CPNE1: variants seen among roughly 807,000 people sequenced by gnomAD.
The protein encoded by CPNE1 is copine 1, also known as copine-1.
In CPNE1, 58 loss-of-function variants were observed where a neutral mutation model predicts 63.2. The ratio of observed to expected loss-of-function variants is 0.92; its 90% CI spans 0.74 to 1.14. The LOEUF is 1.14. CPNE1 is among the 50% of genes most tolerant of loss of function. The pLI is 0.00. For missense variants in CPNE1, 672 were observed against 661.7 expected (o/e 1.02, Z -0.17); for synonymous variants, 237 against 249.0 (o/e 0.95, Z 0.45).
chr20:35,662,384 G>A (rs1186427847), intron 1 of CPNE1, among the ~76,000 whole-genome samples: 1 of 152,062 alleles, frequency 6.6e-6, no homozygotes, highest in Non-Finnish European at 1.5e-5. Context: ...CAAACCAAAA[G>A]GTATATGGGT....
intron 1 of CPNE1, chr20:35,649,383 A>T (rs2033342853): frequency 6.6e-6 from 1 of 152,208 alleles, no homozygotes; most frequent in Admixed American, 6.5e-5. Context: ...ATTTCCACCT[A>T]AAAATGTAAT....
intron 1 of CPNE1, among the ~76,000 whole-genome samples, chr20:35,642,019 T>C (rs2032841122): frequency 6.6e-6 from 1 of 152,194 alleles, no homozygotes. Flanking sequence ...CATGGCTTCC[T>C]TCACCCTGCC....
chr20:35,652,236 C>G (rs548299945), intron 1 of CPNE1: 1 of 270,038 alleles, frequency 3.7e-6, no homozygotes, highest in African/African-American at 2.2e-5. Context: ...AATCTAGACT[C>G]CTTGATAAGC....
At chr20:35,652,714 T>C (rs2033605170) in intron 1 of CPNE1, 1 of 1,614,006 alleles carries the variant, frequency 6.2e-7, no homozygotes. Flanking sequence ...TAAAATCTCA[T>C]CAATAGACAC....
At chr20:35,661,111 A>ACCCAC (rs1321295485) in intron 1 of CPNE1, among the ~76,000 whole-genome samples, 1 of 152,240 alleles carries the variant, frequency 6.6e-6, no homozygotes, top group East Asian at 1.9e-4. Flanking sequence ...AAAGAGGAAT[A>ACCCAC]CCCACCCCAC....
chr20:35,645,533 C>G (rs951042407), intron 1 of CPNE1, among the ~76,000 whole-genome samples: 7 of 152,222 alleles, frequency 4.6e-5, no homozygotes, highest in African/African-American at 1.4e-4. Context: ...GCTTTTCCAC[C>G]AAAGTATAAG....
At position 35,654,701 on chromosome 20, in the gene CPNE1, T is replaced by G. The variant is rs141618982; in HGVS notation, c.-1+10059A>C. On this transcript the variant is annotated intron_variant, in intron 1 of 15. Coordinates refer to ENST00000397443, the MANE Select transcript of CPNE1 (RefSeq NM_152925.3). ...GTAGGTACTGGAGGAGGAACTGGAA[T>G]TGGGGGAATGGATGGCATTGGTGGC... 4.3e-6 allele frequency: 7 copies of G among 1,613,554 alleles called. No individual in the cohort carries two copies. Among genetic ancestry groups the G allele is most frequent in the Admixed American group, 1.7e-5 (1 of 60,012 alleles).
At chr20:35,653,195 C>T (rs1457618659) in intron 1 of CPNE1, 3 of 1,613,382 alleles carry the variant, frequency 1.9e-6, no homozygotes, top group African/African-American at 2.7e-5. Flanking sequence ...TTTGATCCTA[C>T]AGTCAGGAAG....
chr20:35,631,124 A>C lies in CPNE1; in HGVS notation c.851T>G (p.Ile284Ser). ...FLDYVMGGCQ[I>S]NFTVGVDFTG... The stretch of plus-strand genomic sequence containing the variant: ...GGTAAAGTAACTTACAGTGAAGTTG[A>C]TCTGACAGCCTCCCATCACATAGTC... Residue 284 changes from isoleucine to serine, a missense_variant, in exon 10 of 16, where the codon ATC becomes AGC. By Grantham distance (142) the Ile-to-Ser change is moderately radical (BLOSUM62 -2). Transcript: ENST00000397443. 2 of 1,614,178 alleles carry C rather than the reference A, an allele frequency of 1.2e-6. No homozygotes were observed. The highest frequency in any genetic ancestry group is 1.3e-5 in the African/African-American group (1 of 75,028).
intron 1 of CPNE1, among the ~76,000 whole-genome samples, chr20:35,662,224 TAA>T (rs537144140): frequency 3.8e-4 from 58 of 152,322 alleles, no homozygotes; most frequent in African/African-American, 1.3e-3. Context: ...TCAAAAATAT[TAA>T]GTTATGTTTC....
Position 35,630,999 on chromosome 20 carries a change from G to A in CPNE1, c.897C>T (p.Pro299=). ...GGTAGTGTAGGGAGTCAGGTGAGGA[G>A]GGGTCTCCATTGGAGCCAGTGAAGT... ...GVDFTGSNGD[P]SSPDSLHYLS... is the part of the protein sequence containing the mutation. Residue 299 remains proline, a synonymous_variant, in exon 11 of 16, where the codon CCC becomes CCT. Coordinates refer to ENST00000397443, the MANE Select transcript of CPNE1 (RefSeq NM_152925.3). The A allele has an allele frequency of 6.2e-7, 1 of 1,613,974 alleles. No homozygotes were observed. Among genetic ancestry groups the A allele is most frequent in the South Asian group, 1.1e-5 (1 of 91,072 alleles).
intron 1 of CPNE1, chr20:35,658,878 C>T: frequency 1.4e-6 from 1 of 705,680 alleles, no homozygotes; most frequent in South Asian, 1.5e-5. Context: ...TCTTAATAAG[C>T]TATCTCATTT....
At chr20:35,636,893 TACAC>T (rs1009572158) in intron 1 of CPNE1, among the ~76,000 whole-genome samples, 1 of 152,054 alleles carries the variant, frequency 6.6e-6, no homozygotes, top group South Asian at 2.1e-4. Flanking sequence ...CATAAATAAA[TACAC>T]ACACAGAAAA....
At chr20:35,663,718 C>T (rs935663881) in intron 1 of CPNE1, among the ~76,000 whole-genome samples, 9 of 152,136 alleles carry the variant, frequency 5.9e-5, no homozygotes, top group Admixed American at 3.9e-4. Context: ...AGATTTGTCA[C>T]TATAAAGCAC....
intron 1 of CPNE1, among the ~76,000 whole-genome samples, chr20:35,647,030 G>A (rs1471934229): frequency 6.6e-6 from 1 of 152,034 alleles, no homozygotes; most frequent in Non-Finnish European, 1.5e-5. Flanking sequence ...AAAAAATAGG[G>A]CCGGGCATGG....
chr20:35,638,743 G>A (rs2032632833), intron 1 of CPNE1, among the ~76,000 whole-genome samples: 1 of 152,106 alleles, frequency 6.6e-6, no homozygotes, highest in Admixed American at 6.5e-5. Flanking sequence ...AACAGCCCAG[G>A]TATTCATCAA....
intron 1 of CPNE1, among the ~76,000 whole-genome samples, chr20:35,647,748 G>T (rs766250261): frequency 1.1e-4 from 17 of 151,972 alleles, no homozygotes; most frequent in Non-Finnish European, 2.2e-4. Flanking sequence ...CCCAAGAACA[G>T]CATGGTAAAG....
intron 1 of CPNE1, among the ~76,000 whole-genome samples, chr20:35,639,964 C>T (rs1400880059): frequency 1.3e-5 from 2 of 152,334 alleles, no homozygotes; most frequent in Admixed American, 1.3e-4. Context: ...CCCAGCCATA[C>T]TGTTGTGGGC....
chr20:35,631,878 C>T, intron 6 of CPNE1, 67 bp downstream of exon 6: 1 of 1,564,308 alleles, frequency 6.4e-7, no homozygotes. Flanking sequence ...AGTTCCAAAC[C>T]TTGCTAGTCA....
Sources: allele counts gnomAD v4.1 joint callset (sites outside exome capture counted in the v4.1 genomes callset), GRCh38; gene constraint gnomAD v4.1.1; transcripts MANE v1.5; gene names NCBI Gene and HGNC (gene_info 2026-07-23, HGNC 2026-07-21).